The following PCDH7 variants were observed in gnomAD, a reference collection of about 807,000 sequenced individuals.
PCDH7 encodes the protein protocadherin-7.
A neutral mutation model predicts 58.9 loss-of-function variants in PCDH7; 17 were observed. That is an observed-to-expected ratio of 0.29 (90% CI 0.20 to 0.43). The LOEUF is 0.43. Among genes scored for constraint, PCDH7 ranks in the 20% least tolerant of loss-of-function variants. PCDH7 has a pLI of 1.00. For missense variants in PCDH7, 1,274 were observed against 1,441.0 expected (o/e 0.88, Z 1.88); for synonymous variants, 664 against 616.4 (o/e 1.08, Z -1.14).
intron 1 of PCDH7, among the ~76,000 whole-genome samples, chr4:30,873,551 G>A (rs11938996): frequency 0.37 from 55,884 of 151,726 alleles, 10,741 homozygotes; most frequent in African/African-American, 0.44. Context: ...GAATTACAAT[G>A]ATCATCTAGC....
Position 31,090,963 on chromosome 4 carries a change from T to C in PCDH7, c.*8-51510T>C, listed in dbSNP as rs181096640. On this transcript the variant is annotated intron_variant, in intron 3 of 3. Coordinates refer to the PCDH7 transcript ENST00000509759. ...AAACTGTTGTAGTTAAAAGCAACTTTATGAAAAACACTTGATGAAGTACAT... is the reference window on the plus strand; with the variant it reads ...AAACTGTTGTAGTTAAAAGCAACTTCATGAAAAACACTTGATGAAGTACAT... 5.1e-3 allele frequency among the ~76,000 whole-genome samples: 779 copies of C among 152,196 alleles called. 1 individual carries two copies. Among genetic ancestry groups the C allele is most frequent in the Middle Eastern group, 0.024 (7 of 294 alleles).
At chr4:30,936,950 G>A (rs538078908) in intron 2 of PCDH7, among the ~76,000 whole-genome samples, 32 of 129,178 alleles carry the variant, frequency 2.5e-4, no homozygotes, top group Non-Finnish European at 5.8e-4. Context: ...TTCATTGGCA[G>A]TTCATTCAGA....
At chr4:30,906,066 T>G (rs566805362) in intron 1 of PCDH7, among the ~76,000 whole-genome samples, 1 of 152,322 alleles carries the variant, frequency 6.6e-6, no homozygotes, top group African/African-American at 2.4e-5. Flanking sequence ...TTCTGTGCTT[T>G]CCGTTAAGTT....
At chr4:30,746,784 T>C (rs958058226) in intron 1 of PCDH7, among the ~76,000 whole-genome samples, 2 of 152,228 alleles carry the variant, frequency 1.3e-5, no homozygotes, top group African/African-American at 4.8e-5. Flanking sequence ...TTTAACTAAG[T>C]CTGCTTGATG....
At chr4:31,144,585 A>G (rs970658997), downstream of PCDH7, 5 of 152,186 alleles carry the variant, frequency 3.3e-5, no homozygotes, top group African/African-American at 1.2e-4. Context: ...AGCTTTGGGT[A>G]GTTTCATGCT....
intron 3 of PCDH7, among the ~76,000 whole-genome samples, chr4:31,140,216 G>A (rs1225063149): frequency 6.6e-6 from 1 of 152,084 alleles, no homozygotes; most frequent in Admixed American, 6.5e-5. Flanking sequence ...TGTTTATAAT[G>A]CATCTCAAAC....
chr4:30,936,731 G>C (rs899175356), intron 2 of PCDH7, among the ~76,000 whole-genome samples: 3 of 151,746 alleles, frequency 2.0e-5, no homozygotes, highest in African/African-American at 4.8e-5. Context: ...TAACTCAGAC[G>C]GTCAAATATT....
chr4:30,881,597 C>T (rs968464104), intron 1 of PCDH7, among the ~76,000 whole-genome samples: 1 of 152,094 alleles, frequency 6.6e-6, no homozygotes, highest in East Asian at 1.9e-4. Context: ...GCAGTTAGGT[C>T]TCTTAACAGC....
At chr4:30,922,379 T>C (rs539458725) in intron 2 of PCDH7, among the ~76,000 whole-genome samples, 2 of 152,002 alleles carry the variant, frequency 1.3e-5, no homozygotes, top group Admixed American at 1.3e-4. Context: ...ATCTTTATTT[T>C]TTGGATGTCA....
chr4:30,984,150 T>C (rs960253953), intron 3 of PCDH7, among the ~76,000 whole-genome samples: 12 of 152,122 alleles, frequency 7.9e-5, no homozygotes, highest in Non-Finnish European at 1.5e-4. Flanking sequence ...CAGAAAAAAT[T>C]CCCTTGCTAT....
chr4:30,984,532 A>T (rs1469195025), intron 3 of PCDH7, among the ~76,000 whole-genome samples: 2 of 152,116 alleles, frequency 1.3e-5, no homozygotes, highest in African/African-American at 4.8e-5. Context: ...TTTTCAATTA[A>T]CTCTAAAGGC....
At chr4:30,765,598 C>A (rs1391273321) in intron 1 of PCDH7, among the ~76,000 whole-genome samples, 1 of 152,082 alleles carries the variant, frequency 6.6e-6, no homozygotes, top group Non-Finnish European at 1.5e-5. Flanking sequence ...GGAATAAGTT[C>A]TTTTTAAGAT....
At chr4:30,912,762 T>A (rs529022445) in intron 1 of PCDH7, among the ~76,000 whole-genome samples, 16 of 152,192 alleles carry the variant, frequency 1.1e-4, no homozygotes, top group African/African-American at 3.4e-4. Context: ...AAAATCCCCA[T>A]AAAGGTAGTG....
At chr4:30,817,145 T>A (rs1009992715) in intron 1 of PCDH7, among the ~76,000 whole-genome samples, 1 of 152,148 alleles carries the variant, frequency 6.6e-6, no homozygotes, top group South Asian at 2.1e-4. Flanking sequence ...GAGAAGAAAA[T>A]GGCACCTGGA....
chr4:30,729,709 T>C (rs1032506533), intron 1 of PCDH7, among the ~76,000 whole-genome samples: 1 of 152,106 alleles, frequency 6.6e-6, no homozygotes, highest in Non-Finnish European at 1.5e-5. Flanking sequence ...TGATAATTAC[T>C]TTTGACTTCT....
intron 1 of PCDH7, among the ~76,000 whole-genome samples, chr4:30,799,028 T>A (rs1725164747): frequency 6.6e-6 from 1 of 152,262 alleles, no homozygotes; most frequent in African/African-American, 2.4e-5. Context: ...ATTTCATTTG[T>A]AGTAAGACAC....
At chr4:30,776,954 A>C (rs1021412530) in intron 1 of PCDH7, among the ~76,000 whole-genome samples, 11 of 152,008 alleles carry the variant, frequency 7.2e-5, no homozygotes, top group Non-Finnish European at 1.2e-4. Flanking sequence ...GGATATATTA[A>C]AAATCCCAGT....
chr4:31,094,946 G>A (rs900758672), intron 3 of PCDH7, among the ~76,000 whole-genome samples: 4 of 152,006 alleles, frequency 2.6e-5, no homozygotes, highest in South Asian at 2.1e-4. Flanking sequence ...AAGGTTCTTC[G>A]GTTTAAATAT....
chr4:30,813,884 C>A (rs1036483552), intron 1 of PCDH7, among the ~76,000 whole-genome samples: 5 of 152,150 alleles, frequency 3.3e-5, no homozygotes, highest in Non-Finnish European at 7.3e-5. Context: ...TCGTGATCTG[C>A]CAGCCTCGGC....
Sources: allele counts gnomAD v4.1 joint callset (sites outside exome capture counted in the v4.1 genomes callset), GRCh38; gene constraint gnomAD v4.1.1; transcripts MANE v1.5; gene names NCBI Gene and HGNC (gene_info 2026-07-23, HGNC 2026-07-21).